Variants in CCR9 observed in about 807,000 individuals in gnomAD.
CCR9 encodes the protein C-C chemokine receptor type 9.
A neutral mutation model predicts 8.7 loss-of-function variants in CCR9; 4 were observed. The observed-to-expected ratio is 0.46, with a 90% confidence interval of 0.23 to 1.06. The LOEUF is 1.06. CCR9 is among the 50% of genes least tolerant of loss of function. The probability of loss-of-function intolerance (pLI) is 0.21; values close to 1 mark genes in which losing one functional copy is unlikely to be tolerated. For missense variants in CCR9, 394 were observed against 453.6 expected (o/e 0.87, Z 1.19); for synonymous variants, 159 against 168.8 (o/e 0.94, Z 0.45).
rs779871093 is a variant in CCR9, at chr3:45,901,516, A to G, written c.728A>G (p.Gln243Arg). Residue 243 changes from glutamine to arginine, a missense_variant, in exon 3 of 3, where the codon CAA becomes CGA. Coordinates refer to ENST00000357632, the MANE Select transcript of CCR9 (RefSeq NM_031200.3). The surrounding 1 kb of genome is among the most constrained non-coding windows in gnomAD (Gnocchi z 4.3). ...ACCATCATCATTCACACCCTGATAC[A>G]AGCCAAGAAGTCTTCCAAGCACAAA... ...CYTIIIHTLI[Q>R]AKKSSKHKAL... The G allele has an allele frequency of 1.9e-6, 3 of 1,614,132 alleles. No homozygotes were observed. The highest frequency in any genetic ancestry group is 2.5e-6 in the Non-Finnish European group (3 of 1,180,016).
Position 45,901,999 on chromosome 3 carries a change from C to A in CCR9, c.*101C>A. ...AGAGAGAGTGAAAGAGAAAAGAAAACTCAGAAAGGGATGAATCTGAACTAT... is the reference window on the plus strand; with the variant it reads ...AGAGAGAGTGAAAGAGAAAAGAAAAATCAGAAAGGGATGAATCTGAACTAT... On this transcript the variant is annotated 3_prime_UTR_variant, in exon 3 of 3. Transcript: ENST00000357632. The surrounding 1 kb of genome is among the most constrained non-coding windows in gnomAD (Gnocchi z 4.3). 1 of 1,004,568 alleles carries A rather than the reference C, an allele frequency of 1.0e-6. No individual in the cohort carries two copies. Among genetic ancestry groups the A allele is most frequent in the Non-Finnish European group, 1.5e-6 (1 of 686,912 alleles). The allele number at this position is 1,004,568 out of a possible 1,614,324, so 62.2% of individuals were successfully genotyped here.
intron 2 of CCR9, chr3:45,897,627 C>A: frequency 6.5e-7 from 1 of 1,534,352 alleles, no homozygotes; most frequent in South Asian, 1.2e-5. Flanking sequence ...CTTCCAGGAC[C>A]TTAGCCCAGG....
At chr3:45,893,966 C>T (rs1476983900) in intron 1 of CCR9, among the ~76,000 whole-genome samples, 1 of 152,170 alleles carries the variant, frequency 6.6e-6, no homozygotes, top group Non-Finnish European at 1.5e-5. Flanking sequence ...AGGAAGCCAA[C>T]AGGTTGGCTT....
At chr3:45,894,854 T>C (rs1702301447) in intron 1 of CCR9, 52 bp from the exon 2 acceptor site, 4 of 1,301,412 alleles carry the variant, frequency 3.1e-6, no homozygotes, top group Non-Finnish European at 3.3e-6. Flanking sequence ...CATTTGGTTG[T>C]TACTATTCGT....
At chr3:45,897,975 CA>C (rs72284250) in intron 2 of CCR9, among the ~76,000 whole-genome samples, 2,058 of 105,984 alleles carry the variant, frequency 0.019, 34 homozygotes, top group African/African-American at 0.066. Flanking sequence ...GCTATTTGAC[CA>C]AAAAAAAAAA....
intron 1 of CCR9, among the ~76,000 whole-genome samples, chr3:45,891,114 A>AT (rs1370435207): frequency 2.6e-5 from 4 of 152,176 alleles, no homozygotes; most frequent in Non-Finnish European, 5.9e-5. Flanking sequence ...AAAAAAAGTC[A>AT]TTTTTCAGAT....
At chr3:45,887,295 AAGTC>A (rs2125735531) in intron 1 of CCR9, among the ~76,000 whole-genome samples, 1 of 151,798 alleles carries the variant, frequency 6.6e-6, no homozygotes, top group South Asian at 2.1e-4. Context: ...TACAGAGAAA[AAGTC>A]AGAAAGGAAG....
At chr3:45,896,186 C>G (rs1261070366) in intron 2 of CCR9, among the ~76,000 whole-genome samples, 1 of 152,226 alleles carries the variant, frequency 6.6e-6, no homozygotes, top group Admixed American at 6.5e-5. Context: ...CTTTCAATCC[C>G]TGAGGCTGTG....
In CCR9 at chr3:45,898,160, T is replaced by G. The variant is rs369596382; in HGVS notation, c.22-2650T>G. 3.9e-5 allele frequency among the ~76,000 whole-genome samples: 6 copies of G among 152,308 alleles called. No homozygotes were observed. The East Asian group carries it at 1.2e-3, about 29-fold the overall frequency. On this transcript the variant is annotated intron_variant, in intron 2 of 2. Coordinates refer to ENST00000357632, the MANE Select transcript of CCR9 (RefSeq NM_031200.3). ...TCCCAACCTCTTAAACCTGCTGTGA[T>G]GTCCACTGTGGGGTCTCCATGCTCT... is the stretch of plus-strand genomic sequence containing the variant.
chr3:45,892,014 C>A (rs1367333004), intron 1 of CCR9, among the ~76,000 whole-genome samples: 2 of 152,072 alleles, frequency 1.3e-5, no homozygotes, highest in Non-Finnish European at 2.9e-5. Context: ...GTCTTCAAAT[C>A]CAACACCATC....
In CCR9 at chr3:45,901,218, A is replaced by G. The variant is rs748863151; in HGVS notation, c.430A>G (p.Arg144Gly). Reference protein sequence around the residue: ...VLLIMCISVDRYIAIAQAMRA... With the variant: ...VLLIMCISVDGYIAIAQAMRA... The stretch of plus-strand genomic sequence containing the variant: ...GCTGATCATGTGCATCAGCGTGGAC[A>G]GGTACATTGCCATTGCCCAGGCCAT... The change falls in exon 3 of 3, where the codon AGG becomes GGG. Residue 144 changes from arginine (R) to glycine (G), a missense_variant. Transcript: ENST00000357632. The surrounding 1 kb of genome is among the most constrained non-coding windows in gnomAD (Gnocchi z 4.3). 1.2e-6 allele frequency: 2 copies of G among 1,614,084 alleles called. No homozygotes were observed. Among genetic ancestry groups the G allele is most frequent in the Non-Finnish European group, 1.7e-6 (2 of 1,180,012 alleles).
rs1702573844 is a variant in CCR9, at chr3:45,901,919, T to A, written c.*21T>A. 2 of 1,531,882 alleles carry A rather than the reference T, an allele frequency of 1.3e-6. No homozygotes were observed. The highest frequency in any genetic ancestry group is 4.3e-5 in the Admixed American group (2 of 46,990). 94.9% of individuals were successfully genotyped at this position (1,531,882 alleles called of 1,614,324 possible). A position where few individuals can be genotyped will look rare whatever the true frequency, so the allele number is the denominator to read the frequency against. On this transcript the variant is annotated 3_prime_UTR_variant, in exon 3 of 3. Transcript: ENST00000357632. This position sits in a 1 kb window ranked among gnomAD's most constrained non-coding sequence, Gnocchi z 4.3. ...TCTGAGGGGTCTTCTCTGAGGTGCA[T>A]GGTTCTTTTGGAAGAAATGAGAAAT...
intron 1 of CCR9, among the ~76,000 whole-genome samples, chr3:45,891,252 G>A (rs1184148353): frequency 6.6e-6 from 1 of 152,144 alleles, no homozygotes; most frequent in Non-Finnish European, 1.5e-5. Context: ...CCTGTTCCAG[G>A]CTTTCTTGTG....
At chr3:45,894,849 G>T in intron 1 of CCR9, 57 bp from the exon 2 acceptor site, 1 of 1,228,530 alleles carries the variant, frequency 8.1e-7, no homozygotes, top group Non-Finnish European at 1.2e-6. Flanking sequence ...TTTGGCATTT[G>T]GTTGTTACTA....
chr3:45,897,747 C>A, intron 2 of CCR9: 1 of 637,990 alleles, frequency 1.6e-6, no homozygotes, highest in Non-Finnish European at 2.6e-6. Context: ...GCCCTCTTTC[C>A]TCCCTTGCCT....
In CCR9 at chr3:45,900,706, T is replaced by C. The variant is rs1043652078; in HGVS notation, c.22-104T>C. 9.6e-6 allele frequency: 11 copies of C among 1,149,930 alleles called. No individual in the cohort carries two copies. The Admixed American group carries it at 1.1e-4, about 12-fold the overall frequency. The allele number at this position is 1,149,930 out of a possible 1,614,324, so 71.2% of individuals were successfully genotyped here. ...TGCCTATGTGTCTTTGGCCTTATCA[T>C]AGGTGTTTGGGGTTGGAAGGGTCAA... On this transcript the variant is annotated intron_variant, in intron 2 of 2. Coordinates refer to ENST00000357632, the MANE Select transcript of CCR9 (RefSeq NM_031200.3). This position sits in a 1 kb window ranked among gnomAD's most constrained non-coding sequence, Gnocchi z 4.7.
At chr3:45,897,034 A>G (rs1702377811) in intron 2 of CCR9, among the ~76,000 whole-genome samples, 1 of 152,216 alleles carries the variant, frequency 6.6e-6, no homozygotes, top group Non-Finnish European at 1.5e-5. Context: ...TTCTGAGCCC[A>G]GGACTCCTGA....
upstream of CCR9, among the ~76,000 whole-genome samples, chr3:45,886,152 ACAT>A (rs1382398715): frequency 6.6e-6 from 1 of 152,194 alleles, no homozygotes; most frequent in African/African-American, 2.4e-5. Flanking sequence ...GGATAGTGCT[ACAT>A]CTGCCACTGG....
chr3:45,889,172 A>G (rs1559420813), intron 1 of CCR9, among the ~76,000 whole-genome samples: 3 of 152,006 alleles, frequency 2.0e-5, no homozygotes, highest in African/African-American at 7.3e-5. Context: ...TTTTGTAGAG[A>G]TGGGGTCTTG....
Sources: allele counts gnomAD v4.1 joint callset (sites outside exome capture counted in the v4.1 genomes callset), GRCh38; gene constraint gnomAD v4.1.1; non-coding constraint Gnocchi (gnomAD v3.1); transcripts MANE v1.5; gene names NCBI Gene and HGNC (gene_info 2026-07-23, HGNC 2026-07-21).